MTA2: variants seen among roughly 807,000 people sequenced by gnomAD.
The protein encoded by MTA2 is metastasis associated 1 family member 2.
Under a neutral mutation model 87.1 loss-of-function variants are expected in MTA2, and 22 were observed. The ratio of observed to expected loss-of-function variants is 0.25; its 90% CI spans 0.18 to 0.36. The LOEUF (loss-of-function observed/expected upper bound fraction) is 0.36, where lower values mean the gene tolerates loss of function less well. Among genes scored for constraint, MTA2 ranks in the 10% least tolerant of loss-of-function variants. The pLI is 1.00. For missense variants in MTA2, 542 were observed against 853.2 expected (o/e 0.64, Z 4.54); for synonymous variants, 314 against 310.1 (o/e 1.01, Z -0.13).
Position 62,594,244 on chromosome 11 carries a change from T to C in MTA2, c.1841+15A>G. On this transcript the variant is annotated intron_variant, in intron 17 of 17. Coordinates refer to ENST00000278823, the MANE Select transcript of MTA2 (RefSeq NM_004739.4). ...GGACTGTCCCTCTCAGCCCCTCCCA[T>C]GGTAGACGCCTTACCTGGTATCCTT... The C allele has an allele frequency of 3.7e-6, 6 of 1,614,030 alleles. No homozygotes were observed. The highest frequency in any genetic ancestry group is 4.2e-6 in the Non-Finnish European group (5 of 1,179,960).
chr11:62,599,402 G>A (rs1448288886), intron 3 of MTA2: 1 of 152,286 alleles, frequency 6.6e-6, no homozygotes, highest in Non-Finnish European at 1.5e-5. Context: ...CTTCTGATTG[G>A]ACAAGGCCAA....
intron 1 of MTA2, chr11:62,601,094 G>A: frequency 2.0e-6 from 1 of 506,854 alleles, no homozygotes; most frequent in East Asian, 3.6e-5. Context: ...CGGTGGCAAA[G>A]CCGTCGCCCC....
intron 2 of MTA2, 25 bp downstream of exon 2, chr11:62,600,597 G>T: frequency 6.2e-7 from 1 of 1,606,136 alleles, no homozygotes; most frequent in South Asian, 1.1e-5. Flanking sequence ...GCGGGAGGGA[G>T]GGAGAGGGAT....
At chr11:62,594,851 C>G in intron 15 of MTA2, 130 bp downstream of exon 15, 1 of 959,036 alleles carries the variant, frequency 1.0e-6, no homozygotes. Flanking sequence ...AATTATTAAA[C>G]AACAAAAGTA....
intron 17 of MTA2, 82 bp downstream of exon 17, chr11:62,594,177 A>G (rs1942064096): frequency 2.5e-6 from 4 of 1,578,592 alleles, no homozygotes; most frequent in Non-Finnish European, 3.4e-6. Context: ...ACTTTCCTGG[A>G]GCTCTTGCTC....
intron 15 of MTA2, 52 bp downstream of exon 15, chr11:62,594,929 C>T: frequency 6.6e-7 from 1 of 1,504,168 alleles, no homozygotes. Flanking sequence ...AGATGTCAGA[C>T]AGGGAAAGGA....
Position 62,595,354 on chromosome 11 carries a change from C to T in MTA2, c.1393G>A (p.Ala465Thr), listed in dbSNP as rs773872583. Residue 465 changes from alanine (A) to threonine (T), a missense_variant, in exon 14 of 18, where the codon GCC (alanine) becomes ACC (threonine). Coordinates refer to ENST00000278823, the MANE Select transcript of MTA2 (RefSeq NM_004739.4). This position sits in a 1 kb window ranked among gnomAD's most constrained non-coding sequence, Gnocchi z 4.9. ...LLQTTKLTRL[A>T]RRMCRDLLQP... ...AATAGGTCCCTGCACATGCGTCTGG[C>T]AAGACGGGTCAGCTTTGTGGTCTGA... is the stretch of plus-strand genomic sequence containing the variant. 6.2e-7 allele frequency: 1 copy of T among 1,614,224 alleles called. No individual in the cohort carries two copies. Among genetic ancestry groups the T allele is most frequent in the Non-Finnish European group, 8.5e-7 (1 of 1,180,042 alleles).
chr11:62,600,836 G>T (rs143133813), intron 1 of MTA2, 147 bp from the exon 2 acceptor site: 2 of 644,484 alleles, frequency 3.1e-6, no homozygotes, highest in Non-Finnish European at 5.3e-6. Context: ...AAAGTGGACA[G>T]ACTAAGAGAA....
In MTA2 at chr11:62,595,818, G is replaced by T. The variant is rs1219300008; in HGVS notation, c.1188C>A (p.Ile396=). The T allele has an allele frequency of 6.2e-7, 1 of 1,614,220 alleles. No homozygotes were observed. Reference sequence around the variant, plus strand: ...TCAGTCCCCCATACTTCTTCCAGTAGATCCAACAGGAAGCACAGAGGCGGC... The same window carrying T: ...TCAGTCCCCCATACTTCTTCCAGTATATCCAACAGGAAGCACAGAGGCGGC... The part of the protein sequence containing the change: ...MQCRLCASCW[I]YWKKYGGLKT... Residue 396 remains isoleucine (I), a synonymous_variant, in exon 13 of 18, where the codon ATC becomes ATA. Transcript: ENST00000278823. The surrounding 1 kb of genome is among the most constrained non-coding windows in gnomAD (Gnocchi z 4.9).
intron 7 of MTA2, 24 bp downstream of exon 7, chr11:62,597,586 C>G (rs755185602): frequency 5.6e-6 from 9 of 1,607,258 alleles, no homozygotes; most frequent in Non-Finnish European, 7.7e-6. Context: ...CCCAGCCCAT[C>G]TTCCCTATCC....
chr11:62,596,554 A>G (rs1434930744), intron 9 of MTA2, 22 bp from the exon 10 acceptor site: 1 of 1,613,774 alleles, frequency 6.2e-7, no homozygotes, highest in African/African-American at 1.3e-5. Context: ...AGAGGGAGGA[A>G]GAATGAGCTG....
At chr11:62,594,136 T>C in intron 17 of MTA2, 96 bp from the exon 18 acceptor site, 1 of 1,555,556 alleles carries the variant, frequency 6.4e-7, no homozygotes, top group Non-Finnish European at 8.7e-7. Context: ...TCTGGCCCAT[T>C]CTTTTCTGGC....
chr11:62,596,901 C>T, intron 8 of MTA2, 76 bp from the exon 9 acceptor site: 2 of 1,467,976 alleles, frequency 1.4e-6, no homozygotes, highest in Non-Finnish European at 1.8e-6. Context: ...AAAACACTCC[C>T]ACTCCCGGCC....
In MTA2 at chr11:62,595,005, G is replaced by A. The variant is rs1942078421; in HGVS notation, c.1549C>T (p.Leu517=). 1.2e-6 allele frequency: 2 copies of A among 1,614,170 alleles called. No homozygotes were observed. The highest frequency in any genetic ancestry group is 1.7e-5 in the Admixed American group (1 of 60,028). Residue 517 remains leucine (L), a synonymous_variant, in exon 15 of 18, where the codon CTG becomes TTG. Coordinates refer to ENST00000278823, the MANE Select transcript of MTA2 (RefSeq NM_004739.4). The surrounding 1 kb of genome is among the most constrained non-coding windows in gnomAD (Gnocchi z 4.9). The stretch of plus-strand genomic sequence containing the variant: ...CCCAGATCTTTGACGATAGTTGCCA[G>A]GGGCAGCCGCACCAGAGGGTGAATC... ...LKIHPLVRLP[L]ATIVKDLVAQ...
In MTA2 at chr11:62,597,383, C is replaced by T. The variant is rs1446271088; in HGVS notation, c.626G>A (p.Cys209Tyr). The T allele has an allele frequency of 6.2e-7, 1 of 1,611,856 alleles. No homozygotes were observed. Among genetic ancestry groups the T allele is most frequent in the Admixed American group, 1.7e-5 (1 of 59,382 alleles). The change falls in exon 8 of 18, where the codon TGT becomes TAT. Residue 209 changes from cysteine to tyrosine, a missense_variant. This residue lies in a region of MTA2 where 44 missense variants were observed against 104.8 expected (regional missense o/e 0.42). Transcript: ENST00000278823. ...GCTTGGCTGCCGAATGGAGCTGCTA[C>T]AATCTAGGGCTCTTGCAAAGGTTCC... ...AVGTFARALD[C>Y]SSSIRQPSLH...
intron 2 of MTA2, 160 bp downstream of exon 2, chr11:62,600,462 G>A: frequency 1.2e-6 from 1 of 825,046 alleles, no homozygotes; most frequent in Non-Finnish European, 1.9e-6. Context: ...GAATAGTAAA[G>A]TTCCTGCTAA....
intron 3 of MTA2, 131 bp downstream of exon 3, chr11:62,600,035 T>C: frequency 1.3e-6 from 1 of 758,344 alleles, no homozygotes; most frequent in Non-Finnish European, 2.2e-6. Context: ...GCCTCCCTCC[T>C]CAGGCCAGGC....
In MTA2 at chr11:62,597,408, C is replaced by T. The variant is rs1382792674; in HGVS notation, c.601G>A (p.Gly201Arg). The change falls in exon 8 of 18, where the codon GGA becomes AGA. Residue 201 changes from glycine to arginine, a missense_variant. Gly to Arg is a moderately radical substitution (Grantham distance 125). Coordinates refer to ENST00000278823, the MANE Select transcript of MTA2 (RefSeq NM_004739.4). ...DQFLVVARAV[G>R]TFARALDCSS... ...CAATCTAGGGCTCTTGCAAAGGTTCCCACAGCTCTAAGGGAGAAATTGAGA... is the reference window on the plus strand; with the variant it reads ...CAATCTAGGGCTCTTGCAAAGGTTCTCACAGCTCTAAGGGAGAAATTGAGA... The T allele has an allele frequency of 6.2e-7, 1 of 1,610,836 alleles. No individual in the cohort carries two copies. The highest frequency in any genetic ancestry group is 8.5e-7 in the Non-Finnish European group (1 of 1,178,784).
chr11:62,595,287 T>A lies in MTA2; in HGVS notation c.1460A>T (p.Asn487Ile). Residue 487 changes from asparagine to isoleucine, a missense_variant, in exon 14 of 18, where the codon AAT becomes ATT. Around this residue, in one of 6 missense-constraint regions of MTA2, gnomAD observed 269 missense variants for 346.4 expected, o/e 0.78. Coordinates refer to ENST00000278823, the MANE Select transcript of MTA2 (RefSeq NM_004739.4). The surrounding 1 kb of genome is among the most constrained non-coding windows in gnomAD (Gnocchi z 4.9). Reference protein sequence around the residue: ...RAARRPYAPINANAIKAECSI... With the variant: ...RAARRPYAPIIANAIKAECSI... ...ACACTCTGCTTTGATGGCATTGGCA[T>A]TGATAGGAGCATAAGGCCGTCGGGC... The A allele has an allele frequency of 6.2e-7, 1 of 1,614,164 alleles. No homozygotes were observed. Among genetic ancestry groups the A allele is most frequent in the Non-Finnish European group, 8.5e-7 (1 of 1,180,014 alleles).
Sources: allele counts gnomAD v4.1 joint callset, GRCh38; gene constraint gnomAD v4.1.1; regional missense constraint gnomAD v4.1.1; non-coding constraint Gnocchi (gnomAD v3.1); transcripts MANE v1.5; gene names NCBI Gene and HGNC (gene_info 2026-07-23, HGNC 2026-07-21).